Variants in SNTG1 observed in about 807,000 individuals in gnomAD.
SNTG1 encodes gamma-1-syntrophin.
In SNTG1, 39 loss-of-function variants were observed where a neutral mutation model predicts 74.7. The ratio of observed to expected loss-of-function variants is 0.52; its 90% CI spans 0.40 to 0.68. The LOEUF is 0.68. Among genes scored for constraint, SNTG1 ranks in the 30% least tolerant of loss-of-function variants. The probability of loss-of-function intolerance (pLI) is 0.00; values close to 1 mark genes in which losing one functional copy is unlikely to be tolerated. For synonymous variants in SNTG1, 254 were observed against 217.1 expected, an observed-to-expected ratio of 1.17 and a Z score of -1.49; for missense variants, 685 against 609.5, an observed-to-expected ratio of 1.12 and a Z score of -1.30.
At chr8:50,421,935 G>A (rs2093092861) in intron 4 of SNTG1, among the ~76,000 whole-genome samples, 1 of 152,182 alleles carries the variant, frequency 6.6e-6, no homozygotes, top group African/African-American at 2.4e-5. Flanking sequence ...GGCAAGAGAG[G>A]TTATGGGAGG....
At chr8:50,427,203 C>T (rs966125794) in intron 4 of SNTG1, among the ~76,000 whole-genome samples, 2 of 151,852 alleles carry the variant, frequency 1.3e-5, no homozygotes, top group African/African-American at 2.4e-5. Context: ...GGTAATTCAC[C>T]CCTAAATTAC....
At chr8:50,347,293 T>C (rs1489857054) in intron 2 of SNTG1, among the ~76,000 whole-genome samples, 1 of 152,158 alleles carries the variant, frequency 6.6e-6, no homozygotes, top group African/African-American at 2.4e-5. Context: ...GCTCAAGAAA[T>C]GAAAAAACAA....
intron 1 of SNTG1, among the ~76,000 whole-genome samples, chr8:50,075,027 A>C (rs1821720331): frequency 6.6e-6 from 1 of 152,194 alleles, no homozygotes; most frequent in Non-Finnish European, 1.5e-5. Context: ...CAGAGGGTAC[A>C]CTGGGTCCCC....
At position 50,032,006 on chromosome 8, in the gene SNTG1, C is replaced by T. The variant is rs116112085; in HGVS notation, c.-103+119775C>T. Reference sequence around the variant, plus strand: ...GAGGTTAAAGTTATCTTTTTCATTTCAGTTGAATTTTGTTAGTGTACTTTT... The same window carrying T: ...GAGGTTAAAGTTATCTTTTTCATTTTAGTTGAATTTTGTTAGTGTACTTTT... On this transcript the variant is annotated intron_variant, in intron 1 of 18. Coordinates refer to ENST00000642720, the MANE Select transcript of SNTG1 (RefSeq NM_018967.5). Among the ~76,000 whole-genome samples, 257 of 152,058 alleles carry T rather than the reference C, an allele frequency of 1.7e-3. 1 individual carries two copies. The highest frequency in any genetic ancestry group is 5.7e-3 in the African/African-American group (237 of 41,508).
chr8:50,593,758 C>A (rs900288661), intron 13 of SNTG1, among the ~76,000 whole-genome samples: 1 of 149,710 alleles, frequency 6.7e-6, no homozygotes, highest in African/African-American at 2.5e-5. Context: ...CATTCTGTCA[C>A]CCAGGCTGGA....
At chr8:50,350,561 G>C (rs2091625572) in intron 2 of SNTG1, among the ~76,000 whole-genome samples, 4 of 150,512 alleles carry the variant, frequency 2.7e-5, no homozygotes, top group Middle Eastern at 6.8e-3. Context: ...GTGGGGACTT[G>C]GAGAACCTTT....
Position 50,450,744 on chromosome 8 carries a change from T to TA in SNTG1, c.363+15_363+16insA, listed in dbSNP as rs369396422. On this transcript the variant is annotated intron_variant, in intron 8 of 18. Coordinates refer to ENST00000642720, the MANE Select transcript of SNTG1 (RefSeq NM_018967.5). ...ATGAAGAAGTGGTGAGTTTACTTTT[T>TA]CCTAATGTCATAGTTTTCCCCATGT... The TA allele has an allele frequency of 1.5e-4, 247 of 1,611,490 alleles. 3 individuals are homozygous for TA. Among genetic ancestry groups the TA allele is most frequent in the Middle Eastern group, 9.3e-4 (5 of 5,404 alleles).
intron 12 of SNTG1, among the ~76,000 whole-genome samples, chr8:50,586,997 A>G (rs971701096): frequency 2.0e-5 from 3 of 152,114 alleles, no homozygotes; most frequent in African/African-American, 7.2e-5. Flanking sequence ...TTTTGTATTT[A>G]TAACTGTCAG....
At chr8:50,174,582 G>A (rs2082925958) in intron 2 of SNTG1, among the ~76,000 whole-genome samples, 1 of 152,130 alleles carries the variant, frequency 6.6e-6, no homozygotes, top group Non-Finnish European at 1.5e-5. Context: ...CATTATAAAT[G>A]CCATTATATA....
intron 18 of SNTG1, among the ~76,000 whole-genome samples, chr8:50,786,502 A>G (rs1466103180): frequency 6.6e-6 from 1 of 151,976 alleles, no homozygotes. Flanking sequence ...TCAGAAATGG[A>G]CAAGTTGATC....
intron 14 of SNTG1, among the ~76,000 whole-genome samples, chr8:50,657,380 G>T (rs1459553144): frequency 1.3e-5 from 2 of 152,014 alleles, no homozygotes; most frequent in Non-Finnish European, 2.9e-5. Context: ...TTAAAGAAAT[G>T]AATATATCAA....
At chr8:50,380,504 T>TA (rs2092462735) in intron 2 of SNTG1, among the ~76,000 whole-genome samples, 1 of 152,218 alleles carries the variant, frequency 6.6e-6, no homozygotes, top group Admixed American at 6.5e-5. Context: ...CAGAACATTA[T>TA]AGAGACTTTT....
chr8:50,097,133 C>G (rs2079957224), intron 1 of SNTG1, among the ~76,000 whole-genome samples: 1 of 152,002 alleles, frequency 6.6e-6, no homozygotes, highest in African/African-American at 2.4e-5. Flanking sequence ...CCACACCCGG[C>G]TAATTTTTTT....
chr8:50,709,251 T>A, intron 17 of SNTG1: 1 of 399,242 alleles, frequency 2.5e-6, no homozygotes, highest in Non-Finnish European at 4.4e-6. Flanking sequence ...CATTTCCCTG[T>A]TTTTTAAAGA....
At chr8:50,729,926 C>A (rs544852852) in intron 17 of SNTG1, among the ~76,000 whole-genome samples, 3 of 152,190 alleles carry the variant, frequency 2.0e-5, no homozygotes, top group African/African-American at 7.2e-5. Flanking sequence ...AAAGGCAAAT[C>A]GGCAGCAGCA....
intron 1 of SNTG1, chr8:50,011,658 G>T (rs992000378): frequency 6.6e-6 from 1 of 151,546 alleles, no homozygotes; most frequent in East Asian, 1.9e-4. Context: ...AGCCTTCCTG[G>T]TTCCTTCTGT....
intron 3 of SNTG1, among the ~76,000 whole-genome samples, chr8:50,395,966 G>A (rs10504106): frequency 0.23 from 34,326 of 152,190 alleles, 4,333 homozygotes; most frequent in Middle Eastern, 0.37. Context: ...CATTCATATG[G>A]TACAGATTGG....
intron 2 of SNTG1, among the ~76,000 whole-genome samples, chr8:50,324,235 G>A (rs994933450): frequency 1.1e-4 from 16 of 152,094 alleles, no homozygotes; most frequent in African/African-American, 3.4e-4. Context: ...TTTATTCTCT[G>A]CTGTAGCAGG....
chr8:49,944,486 C>CTATCG (rs1401136149), intron 1 of SNTG1, among the ~76,000 whole-genome samples: 3 of 145,078 alleles, frequency 2.1e-5, no homozygotes, highest in Non-Finnish European at 4.5e-5. Context: ...GACAAAAAAA[C>CTATCG]CAAACACTGC....
Sources: gnomAD v4.1 joint callset for allele counts (sites outside exome capture counted in the v4.1 genomes callset) on GRCh38, gnomAD v4.1.1 for gene constraint, MANE v1.5 for transcripts, NCBI Gene and HGNC (gene_info 2026-07-23, HGNC 2026-07-21) for gene names.